Variants in PRIMA1 observed in about 807,000 individuals in gnomAD.
The protein encoded by PRIMA1 is proline rich membrane anchor 1, also known as proline-rich membrane anchor 1.
PRIMA1 carries 7 observed loss-of-function variants against 17.5 expected under a neutral mutation model. The observed-to-expected ratio is 0.40, with a 90% CI of 0.23 to 0.75. The LOEUF (loss-of-function observed/expected upper bound fraction) is 0.75, where lower values mean the gene tolerates loss of function less well. Ranked by LOEUF, PRIMA1 falls within the 30% of genes least tolerant of loss-of-function variation. The pLI is 0.37. For synonymous variants in PRIMA1, 97 were observed against 77.9 expected, an observed-to-expected ratio of 1.25 and a Z score of -1.29; for missense variants, 200 against 201.8, an observed-to-expected ratio of 0.99 and a Z score of 0.05.
intron 4 of PRIMA1, among the ~76,000 whole-genome samples, chr14:93,722,357 G>C (rs118202103): frequency 1.7e-3 from 36 of 20,774 alleles, no homozygotes; most frequent in Admixed American, 6.2e-3. Context: ...GGTGATGGTG[G>C]TAGTGGTGAT....
At chr14:93,777,744 A>C (rs1885262280) in intron 3 of PRIMA1, among the ~76,000 whole-genome samples, 1 of 152,204 alleles carries the variant, frequency 6.6e-6, no homozygotes, top group Non-Finnish European at 1.5e-5. Context: ...GTGTTCTCTC[A>C]GGCCACTCTT....
At chr14:93,775,129 CG>C (rs140242631) in intron 3 of PRIMA1, among the ~76,000 whole-genome samples, 2,800 of 152,296 alleles carry the variant, frequency 0.018, 36 homozygotes, top group Non-Finnish European at 0.031. Flanking sequence ...GGCAAATGCT[CG>C]CCAGGTGAAT....
rs1170949001 is a variant in PRIMA1 at position 93,735,456 on chromosome 14, A to C, written c.359+1785T>G. 1.3e-5 allele frequency among the ~76,000 whole-genome samples: 2 copies of C among 152,086 alleles called. 1 individual carries two copies. Among genetic ancestry groups the C allele is most frequent in the Admixed American group, 1.3e-4 (2 of 15,268 alleles). ...CCTCCTCCCATTCCAGCAGGCCCTC[A>C]GCTCAAATGCTTTATGGTCCAGATC... On this transcript the variant is annotated intron_variant, in intron 4 of 4. Transcript: ENST00000393140.
chr14:93,782,763 C>T (rs1885419466), intron 2 of PRIMA1, among the ~76,000 whole-genome samples: 1 of 152,224 alleles, frequency 6.6e-6, no homozygotes, highest in Admixed American at 6.5e-5. Flanking sequence ...CGGCTGAGCC[C>T]CCACTGCAGT....
chr14:93,738,492 A>C (rs967991833), intron 3 of PRIMA1, among the ~76,000 whole-genome samples: 2 of 152,206 alleles, frequency 1.3e-5, no homozygotes, highest in Non-Finnish European at 2.9e-5. Context: ...ACAGAGAGAC[A>C]GTATTAACTT....
At chr14:93,772,007 G>A (rs8012945) in intron 3 of PRIMA1, among the ~76,000 whole-genome samples, 53,881 of 152,010 alleles carry the variant, frequency 0.35, 9,784 homozygotes, top group Middle Eastern at 0.45. Flanking sequence ...TCTGAGCTCC[G>A]CATAAAAATT....
chr14:93,738,018 G>A lies in PRIMA1; in HGVS notation c.230-648C>T, dbSNP rs537067945. On this transcript the variant is annotated intron_variant, in intron 3 of 4. Coordinates refer to ENST00000393140, the MANE Select transcript of PRIMA1 (RefSeq NM_178013.4). ...AAGAAAGGGAGGACTGCCAATGTCCGTTTCTTGAGCTAATTTCTTGCAAGA... is the reference window on the plus strand; with the variant it reads ...AAGAAAGGGAGGACTGCCAATGTCCATTTCTTGAGCTAATTTCTTGCAAGA... Among the ~76,000 whole-genome samples, 13 of 152,336 alleles carry A rather than the reference G, an allele frequency of 8.5e-5. No homozygotes were observed. The Middle Eastern group carries it at 0.01, about 120-fold the overall frequency.
chr14:93,773,524 C>T (rs569916788), intron 3 of PRIMA1, among the ~76,000 whole-genome samples: 8 of 152,178 alleles, frequency 5.3e-5, no homozygotes, highest in African/African-American at 1.7e-4. Flanking sequence ...CAGGCGCTTC[C>T]GATACAAGCT....
intron 3 of PRIMA1, 119 bp from the exon 4 acceptor site, chr14:93,737,489 T>C: frequency 5.0e-6 from 6 of 1,210,646 alleles, no homozygotes; most frequent in African/African-American, 1.5e-5. Flanking sequence ...GGTGGGACCA[T>C]CATGGGTGAC....
In PRIMA1 at chr14:93,718,809, G is replaced by C. The variant is rs2141144511; in HGVS notation, c.*2635C>G. On this transcript the variant is annotated 3_prime_UTR_variant, in exon 5 of 5. Coordinates refer to ENST00000393140, the MANE Select transcript of PRIMA1 (RefSeq NM_178013.4). ...CTGAGTTCCAAAGTTGGGGTCAACT[G>C]TGAGACGGCTGGAAAAGATCTATTT... is the stretch of plus-strand genomic sequence containing the variant. The C allele has an allele frequency of 6.6e-6, 1 of 152,660 alleles. No homozygotes were observed. The highest frequency in any genetic ancestry group is 2.1e-4 in the South Asian group (1 of 4,826). 9.5% of individuals were successfully genotyped at this position (152,660 alleles called of 1,614,324 possible).
At chr14:93,781,762 G>A (rs980876193) in intron 2 of PRIMA1, among the ~76,000 whole-genome samples, 2 of 150,428 alleles carry the variant, frequency 1.3e-5, no homozygotes, top group East Asian at 2.0e-4. Flanking sequence ...ATCACCTGAG[G>A]TCAGGAGTTC....
rs1371676865 is a variant in PRIMA1, at chr14:93,720,375, G to GAAAC, written c.*1065_*1068dup. ...AGCGCTTCTATAGCATGAGACTGTG[G>GAAAC]AAACAGACATTGAAAGGAAGACCCT... On this transcript the variant is annotated 3_prime_UTR_variant, in exon 5 of 5. Coordinates refer to ENST00000393140, the MANE Select transcript of PRIMA1 (RefSeq NM_178013.4). 6.6e-6 allele frequency: 1 copy of GAAAC among 152,314 alleles called. No individual in the cohort carries two copies. Among genetic ancestry groups the GAAAC allele is most frequent in the African/African-American group, 2.4e-5 (1 of 41,474 alleles). The allele number at this position is 152,314 out of a possible 1,614,324, so 9.4% of individuals were successfully genotyped here.
chr14:93,788,655 C>A (rs555723758), upstream of PRIMA1, among the ~76,000 whole-genome samples: 4 of 152,236 alleles, frequency 2.6e-5, no homozygotes, highest in East Asian at 1.9e-4. Flanking sequence ...TTGGGCCTCC[C>A]GGGCCGCTGA....
At chr14:93,783,473 A>T (rs1398229766) in intron 2 of PRIMA1, among the ~76,000 whole-genome samples, 1 of 152,046 alleles carries the variant, frequency 6.6e-6, no homozygotes, top group East Asian at 1.9e-4. Flanking sequence ...AGACCAATAG[A>T]GAGGAAGCCT....
intron 3 of PRIMA1, among the ~76,000 whole-genome samples, chr14:93,749,252 GAGAAGCAACGAGAGGGGGCCACATGC>G (rs2076245927): frequency 1.3e-5 from 2 of 152,218 alleles, no homozygotes; most frequent in Admixed American, 6.5e-5. Flanking sequence ...CAGTGCCTTT[GAGAAGCAACGAGAGGGGGCCACATGC>G]AGAACTGTGC....
At chr14:93,782,359 C>T (rs1327052811) in intron 2 of PRIMA1, among the ~76,000 whole-genome samples, 6 of 152,110 alleles carry the variant, frequency 3.9e-5, no homozygotes, top group Non-Finnish European at 7.3e-5. Context: ...AGGCTGACGC[C>T]GGTAATCCCA....
intron 3 of PRIMA1, among the ~76,000 whole-genome samples, chr14:93,746,228 C>A (rs1355833889): frequency 6.6e-6 from 1 of 152,116 alleles, no homozygotes; most frequent in Non-Finnish European, 1.5e-5. Context: ...TTTCCCAGCT[C>A]TTAAGGGAGA....
chr14:93,735,723 G>A (rs1322418813), intron 4 of PRIMA1, among the ~76,000 whole-genome samples: 1 of 142,042 alleles, frequency 7.0e-6, no homozygotes, highest in Non-Finnish European at 1.5e-5. Flanking sequence ...ATGGAGTCTC[G>A]CTCTGTCGCC....
In PRIMA1 at chr14:93,743,547, CT is replaced by C. The variant is rs141265236; in HGVS notation, c.230-6178del. Among the ~76,000 whole-genome samples the C allele has an allele frequency of 2.5e-3, 386 of 152,372 alleles. 1 individual carries two copies. The highest frequency in any genetic ancestry group is 8.7e-3 in the African/African-American group (360 of 41,590). ...CTAGTGCCACTTGTCTAGGACCCCCCTGTGCCGTAGAGATCAACCTCCATCT... is the reference window on the plus strand; with the variant it reads ...CTAGTGCCACTTGTCTAGGACCCCCCGTGCCGTAGAGATCAACCTCCATCT... On this transcript the variant is annotated intron_variant, in intron 3 of 4. Coordinates refer to ENST00000393140, the MANE Select transcript of PRIMA1 (RefSeq NM_178013.4).
Sources: gnomAD v4.1 joint callset for allele counts (sites outside exome capture counted in the v4.1 genomes callset) on GRCh38, gnomAD v4.1.1 for gene constraint, MANE v1.5 for transcripts, NCBI Gene and HGNC (gene_info 2026-07-23, HGNC 2026-07-21) for gene names.